Variants in MAGI3 observed in about 807,000 individuals in gnomAD.
MAGI3 encodes the protein membrane-associated guanylate kinase, WW and PDZ domain-containing protein 3.
In MAGI3, 43 loss-of-function variants were observed where a neutral mutation model predicts 121.8. That is an observed-to-expected ratio of 0.35 (90% CI 0.28 to 0.46). The LOEUF is 0.46. Ranked by LOEUF, MAGI3 falls within the 20% of genes least tolerant of loss-of-function variation. The probability of loss-of-function intolerance (pLI) is 1.00; values close to 1 mark genes in which losing one functional copy is unlikely to be tolerated. For missense variants in MAGI3, 1,547 were observed against 1,797.3 expected (o/e 0.86, Z 2.52); for synonymous variants, 553 against 639.3 (o/e 0.86, Z 2.04).
chr1:113,452,486 A>ACG (rs1245582477), intron 1 of MAGI3, among the ~76,000 whole-genome samples: 2 of 143,818 alleles, frequency 1.4e-5, no homozygotes, highest in Non-Finnish European at 3.1e-5. Flanking sequence ...ACACACACAC[A>ACG]CACTGAAGCC....
intron 1 of MAGI3, chr1:113,450,311 G>A: frequency 6.5e-7 from 1 of 1,538,812 alleles, no homozygotes. Context: ...ATGGGTCGCG[G>A]AGGAAACTTT....
intron 7 of MAGI3, among the ~76,000 whole-genome samples, chr1:113,615,478 A>G (rs1369471710): frequency 6.6e-6 from 1 of 152,146 alleles, no homozygotes. Flanking sequence ...AACAAACACA[A>G]TCATCTTTAA....
At chr1:113,568,779 C>T (rs1660535914) in intron 2 of MAGI3, among the ~76,000 whole-genome samples, 1 of 152,028 alleles carries the variant, frequency 6.6e-6, no homozygotes, top group African/African-American at 2.4e-5. Context: ...GCTCCCCCAT[C>T]CCCACCATCT....
chr1:113,542,652 A>G lies in MAGI3; in HGVS notation c.317-6863A>G, dbSNP rs556416952. Among the ~76,000 whole-genome samples the G allele has an allele frequency of 1.2e-4, 19 of 152,350 alleles. No individual in the cohort carries two copies. The South Asian group carries it at 3.9e-3, about 32-fold the overall frequency. The stretch of plus-strand genomic sequence containing the variant: ...AACTCAGAAATGACTAGACTGTGTC[A>G]TGGAAAAGTAGGCTGTTATGAAACA... On this transcript the variant is annotated intron_variant, in intron 1 of 20. Transcript: ENST00000307546.
chr1:113,489,078 G>A (rs1656545362), intron 1 of MAGI3, among the ~76,000 whole-genome samples: 1 of 152,162 alleles, frequency 6.6e-6, no homozygotes. Context: ...ACATGCAAAT[G>A]AGGATGGATC....
chr1:113,641,932 A>G lies in MAGI3; in HGVS notation c.1382A>G (p.Asn461Ser), dbSNP rs200205748. The change falls in exon 10 of 21, where the codon AAT becomes AGT. Residue 461 changes from asparagine (N) to serine (S), a missense_variant. Transcript: ENST00000307546. ...CCAGGCGATGTTATTGTAGACATCAATGGCAACTGTGTCCTCGGTCACACT... is the reference window on the plus strand; with the variant it reads ...CCAGGCGATGTTATTGTAGACATCAGTGGCAACTGTGTCCTCGGTCACACT... ...IAPGDVIVDI[N>S]GNCVLGHTHA... The G allele has an allele frequency of 5.7e-6, 9 of 1,589,900 alleles. No individual in the cohort carries two copies. Among genetic ancestry groups the G allele is most frequent in the Admixed American group, 1.7e-5 (1 of 59,530 alleles).
At chr1:113,609,780 A>T (rs1414039037) in intron 6 of MAGI3, among the ~76,000 whole-genome samples, 1 of 152,182 alleles carries the variant, frequency 6.6e-6, no homozygotes, top group Non-Finnish European at 1.5e-5. Context: ...CAGCTGCTTG[A>T]TATGCCCAAA....
chr1:113,401,036 A>G (rs1175714223), intron 1 of MAGI3, among the ~76,000 whole-genome samples: 2 of 152,178 alleles, frequency 1.3e-5, no homozygotes, highest in Non-Finnish European at 1.5e-5. Context: ...AAGGATGTAT[A>G]TATTAGCATT....
intron 16 of MAGI3, among the ~76,000 whole-genome samples, chr1:113,660,182 G>T (rs1346162458): frequency 6.6e-6 from 1 of 152,086 alleles, no homozygotes; most frequent in Non-Finnish European, 1.5e-5. Flanking sequence ...TTTCTGCATG[G>T]ACATGAATTG....
At chr1:113,602,174 T>A (rs1181800963) in intron 6 of MAGI3, among the ~76,000 whole-genome samples, 1 of 152,054 alleles carries the variant, frequency 6.6e-6, no homozygotes, top group African/African-American at 2.4e-5. Flanking sequence ...TATACATATG[T>A]AACTAACCTG....
At chr1:113,496,308 G>T (rs537621488) in intron 1 of MAGI3, among the ~76,000 whole-genome samples, 6 of 152,246 alleles carry the variant, frequency 3.9e-5, no homozygotes, top group African/African-American at 1.4e-4. Context: ...GAATCATCAT[G>T]TGTTTCTGTC....
intron 1 of MAGI3, among the ~76,000 whole-genome samples, chr1:113,430,135 G>A (rs1280902444): frequency 2.6e-5 from 4 of 151,908 alleles, no homozygotes; most frequent in Non-Finnish European, 5.9e-5. Flanking sequence ...GAAGTAAGGG[G>A]AAAAAAAGTG....
chr1:113,554,681 G>GA (rs964512292), intron 2 of MAGI3, among the ~76,000 whole-genome samples: 1 of 151,074 alleles, frequency 6.6e-6, no homozygotes, highest in African/African-American at 2.4e-5. Context: ...GGAGGAAGGA[G>GA]AAAAAAAAGA....
chr1:113,457,174 C>T (rs1440439519), intron 1 of MAGI3, among the ~76,000 whole-genome samples: 1 of 152,184 alleles, frequency 6.6e-6, no homozygotes, highest in Non-Finnish European at 1.5e-5. Flanking sequence ...AGGAGCCTGA[C>T]TGGCTCCTAT....
intron 2 of MAGI3, among the ~76,000 whole-genome samples, chr1:113,555,516 A>T (rs1557820760): frequency 6.6e-6 from 1 of 152,220 alleles, no homozygotes; most frequent in Admixed American, 6.5e-5. Context: ...CAGAATACAC[A>T]TGCTTTCCTA....
chr1:113,445,248 A>C (rs750481047), intron 1 of MAGI3, among the ~76,000 whole-genome samples: 5 of 152,158 alleles, frequency 3.3e-5, no homozygotes, highest in Non-Finnish European at 7.4e-5. Context: ...ATAAACATCC[A>C]AAAAGTTCAA....
At chr1:113,510,355 CTTTTTTTT>C (rs34379798) in intron 1 of MAGI3, among the ~76,000 whole-genome samples, 6 of 133,412 alleles carry the variant, frequency 4.5e-5, no homozygotes, top group Admixed American at 3.8e-4. Flanking sequence ...TAGGCCTTGA[CTTTTTTTT>C]TTTTTTTTTT....
intron 1 of MAGI3, among the ~76,000 whole-genome samples, chr1:113,396,786 T>G (rs1651138712): frequency 6.6e-6 from 1 of 152,182 alleles, no homozygotes; most frequent in Non-Finnish European, 1.5e-5. Context: ...TTGTGTGTCT[T>G]CAAGAAGCTG....
intron 1 of MAGI3, among the ~76,000 whole-genome samples, chr1:113,461,655 T>C (rs930426563): frequency 2.6e-5 from 4 of 152,136 alleles, no homozygotes; most frequent in African/African-American, 9.7e-5. Context: ...ATCCTGGACA[T>C]AGAACCGGCA....
Sources: allele counts gnomAD v4.1 joint callset (sites outside exome capture counted in the v4.1 genomes callset), GRCh38; gene constraint gnomAD v4.1.1; transcripts MANE v1.5; gene names NCBI Gene and HGNC (gene_info 2026-07-23, HGNC 2026-07-21).